Variants in PPM1D observed in about 807,000 individuals in gnomAD.
The protein encoded by PPM1D is protein phosphatase, Mg2+/Mn2+ dependent 1D.
PPM1D carries 52 observed loss-of-function variants against 58.3 expected under a neutral mutation model. That is an observed-to-expected ratio of 0.89 (90% CI 0.71 to 1.12). The LOEUF (loss-of-function observed/expected upper bound fraction) is 1.12, where lower values mean the gene tolerates loss of function less well. Ranked by LOEUF, PPM1D falls within the 50% of genes most tolerant of loss-of-function variation. PPM1D has a pLI of 0.00. For missense variants in PPM1D, 564 were observed against 777.2 expected (o/e 0.73, Z 3.26); for synonymous variants, 278 against 285.1 (o/e 0.98, Z 0.25).
At chr17:60,642,423 A>C (rs1365096066) in intron 3 of PPM1D, among the ~76,000 whole-genome samples, 1 of 141,242 alleles carries the variant, frequency 7.1e-6, no homozygotes, top group East Asian at 2.1e-4. Context: ...TGAATTGGGT[A>C]GCCACCCCCG....
At chr17:60,660,204 T>G (rs998850527) in intron 5 of PPM1D, among the ~76,000 whole-genome samples, 1 of 151,612 alleles carries the variant, frequency 6.6e-6, no homozygotes, top group African/African-American at 2.4e-5. Flanking sequence ...GGTGTGGTGG[T>G]GGGTGCCTGT....
chr17:60,630,957 G>A (rs1361812643), intron 2 of PPM1D, among the ~76,000 whole-genome samples: 2 of 152,222 alleles, frequency 1.3e-5, no homozygotes, highest in Non-Finnish European at 2.9e-5. Context: ...ACTTTTGAGA[G>A]TCATCATTGA....
intron 1 of PPM1D, among the ~76,000 whole-genome samples, chr17:60,619,888 G>C (rs532776536): frequency 6.6e-6 from 1 of 152,136 alleles, no homozygotes; most frequent in Non-Finnish European, 1.5e-5. Flanking sequence ...CATGATGCTT[G>C]ATGTTGAGCT....
At chr17:60,612,505 G>A (rs974796509) in intron 1 of PPM1D, among the ~76,000 whole-genome samples, 1 of 152,142 alleles carries the variant, frequency 6.6e-6, no homozygotes, top group African/African-American at 2.4e-5. Context: ...TGATGGGATC[G>A]TAGTTATGTA....
intron 2 of PPM1D, among the ~76,000 whole-genome samples, chr17:60,626,350 A>G (rs2030806897): frequency 6.6e-6 from 1 of 151,396 alleles, no homozygotes; most frequent in Non-Finnish European, 1.5e-5. Flanking sequence ...ATCCAGTTTC[A>G]GGTTTAAAAA....
chr17:60,618,503 A>G (rs1307271856), intron 1 of PPM1D, among the ~76,000 whole-genome samples: 1 of 152,176 alleles, frequency 6.6e-6, no homozygotes, highest in South Asian at 2.1e-4. Context: ...ATGCAGCACT[A>G]TCTCATTGTG....
intron 4 of PPM1D, among the ~76,000 whole-genome samples, chr17:60,654,129 A>G (rs772500927): frequency 2.0e-5 from 3 of 151,106 alleles, no homozygotes; most frequent in African/African-American, 7.3e-5. Flanking sequence ...AAGACCTTCA[A>G]TTTTTTTCCC....
At chr17:60,650,083 A>T (rs886189230) in intron 4 of PPM1D, among the ~76,000 whole-genome samples, 1 of 152,222 alleles carries the variant, frequency 6.6e-6, no homozygotes, top group Non-Finnish European at 1.5e-5. Flanking sequence ...ATGAGTATTG[A>T]AGGAAGCATC....
chr17:60,617,128 A>AAT (rs1555645127), intron 1 of PPM1D, among the ~76,000 whole-genome samples: 9 of 140,228 alleles, frequency 6.4e-5, no homozygotes, highest in African/African-American at 2.4e-4. Flanking sequence ...AAAAAAAAAA[A>AAT]TTTTTTTTTT....
At chr17:60,645,133 C>A (rs1295760311) in intron 3 of PPM1D, among the ~76,000 whole-genome samples, 1 of 152,118 alleles carries the variant, frequency 6.6e-6, no homozygotes, top group African/African-American at 2.4e-5. Context: ...GTGTACAGAT[C>A]ACCTGAGGTC....
chr17:60,615,293 C>T (rs1001862754), intron 1 of PPM1D, among the ~76,000 whole-genome samples: 3 of 151,900 alleles, frequency 2.0e-5, no homozygotes, highest in Admixed American at 2.0e-4. Flanking sequence ...CCAGGCAAAC[C>T]CAGCTGCTTG....
chr17:60,603,852 C>T (rs905979551), intron 1 of PPM1D, among the ~76,000 whole-genome samples: 28 of 152,092 alleles, frequency 1.8e-4, no homozygotes, highest in African/African-American at 6.8e-4. Context: ...GAAATAGCAG[C>T]CCCACATGCA....
chr17:60,657,850 C>T (rs941919135), intron 5 of PPM1D, among the ~76,000 whole-genome samples: 3 of 152,128 alleles, frequency 2.0e-5, no homozygotes, highest in Non-Finnish European at 4.4e-5. Flanking sequence ...GGTGATTCTC[C>T]TGCCTCAGCC....
At chr17:60,619,927 A>T (rs1045102326) in intron 1 of PPM1D, among the ~76,000 whole-genome samples, 4 of 151,832 alleles carry the variant, frequency 2.6e-5, no homozygotes, top group African/African-American at 9.7e-5. Context: ...GCCCATTTGT[A>T]TGACTTCTTT....
At chr17:60,603,195 T>A (rs572222071) in intron 1 of PPM1D, among the ~76,000 whole-genome samples, 1 of 152,336 alleles carries the variant, frequency 6.6e-6, no homozygotes, top group Non-Finnish European at 1.5e-5. Flanking sequence ...TTTGTAGTGC[T>A]CATTGGATTG....
chr17:60,623,670 G>C lies in PPM1D; in HGVS notation c.622G>C (p.Val208Leu). 4 of 1,614,186 alleles carry C rather than the reference G, an allele frequency of 2.5e-6. No homozygotes were observed. The highest frequency in any genetic ancestry group is 3.4e-6 in the Non-Finnish European group (4 of 1,180,028). Reference protein sequence around the residue: ...GIQDDPKDDFVRAVEVTQDHK... With the variant: ...GIQDDPKDDFLRAVEVTQDHK... ...TCAGGATGACCCGAAGGATGACTTT[G>C]TCAGAGCTGTGGAGGTGACACAGGA... The change falls in exon 2 of 6, where the codon GTC becomes CTC. Residue 208 changes from valine (V) to leucine (L), a missense_variant. Transcript: ENST00000305921.
chr17:60,659,226 A>G (rs2031488996), intron 5 of PPM1D, among the ~76,000 whole-genome samples: 1 of 152,206 alleles, frequency 6.6e-6, no homozygotes, highest in African/African-American at 2.4e-5. Context: ...ACTCCTGACT[A>G]TATTTAATTT....
intron 3 of PPM1D, among the ~76,000 whole-genome samples, chr17:60,640,534 T>G (rs564842008): frequency 6.6e-6 from 1 of 152,304 alleles, no homozygotes; most frequent in South Asian, 2.1e-4. Context: ...TTTGTTTGTT[T>G]GTTTTTGTAA....
chr17:60,657,905 A>G (rs2031468013), intron 5 of PPM1D, among the ~76,000 whole-genome samples: 1 of 151,968 alleles, frequency 6.6e-6, no homozygotes, highest in African/African-American at 2.4e-5. Flanking sequence ...ACGCCCTGCT[A>G]ATTTTTTGTA....
Sources: gnomAD v4.1 joint callset for allele counts (sites outside exome capture counted in the v4.1 genomes callset) on GRCh38, gnomAD v4.1.1 for gene constraint, MANE v1.5 for transcripts, NCBI Gene and HGNC (gene_info 2026-07-23, HGNC 2026-07-21) for gene names.